Variants in SNX29 observed in about 807,000 individuals in gnomAD.
The protein encoded by SNX29 is sorting nexin 29, also known as sorting nexin-29.
SNX29 carries 78 observed loss-of-function variants against 102.1 expected under a neutral mutation model. The ratio of observed to expected loss-of-function variants is 0.76; its 90% CI spans 0.64 to 0.92. The LOEUF is 0.92. SNX29 is among the 40% of genes least tolerant of loss of function. SNX29 has a pLI of 0.00. For missense variants in SNX29, 1,280 were observed against 1,061.7 expected, an observed-to-expected ratio of 1.21 and a Z score of -2.86; for synonymous variants, 580 against 414.5, an observed-to-expected ratio of 1.40 and a Z score of -4.85.
At chr16:11,993,090 G>A (rs1185385610) in intron 1 of SNX29, among the ~76,000 whole-genome samples, 1 of 152,040 alleles carries the variant, frequency 6.6e-6, no homozygotes, top group Non-Finnish European at 1.5e-5. Flanking sequence ...GCTTGAACAT[G>A]GGAGGTGGAG....
At chr16:12,242,814 G>A (rs1237155918) in intron 14 of SNX29, among the ~76,000 whole-genome samples, 3 of 151,838 alleles carry the variant, frequency 2.0e-5, no homozygotes, top group African/African-American at 2.4e-5. Flanking sequence ...CCACCACCAC[G>A]CCTTGCTGGG....
chr16:12,113,582 G>A (rs12929519), intron 11 of SNX29, among the ~76,000 whole-genome samples: 22,031 of 152,258 alleles, frequency 0.14, 1,929 homozygotes, highest in Middle Eastern at 0.23. Context: ...ACCACAGCCT[G>A]AAGGGGAAGG....
chr16:12,197,564 G>A (rs1334140450), intron 13 of SNX29, among the ~76,000 whole-genome samples: 2 of 152,094 alleles, frequency 1.3e-5, no homozygotes, highest in African/African-American at 4.8e-5. Flanking sequence ...GAGTGAGACT[G>A]CATCTCAAAA....
At chr16:12,526,994 A>G (rs2076802024) in intron 20 of SNX29, 2 of 401,988 alleles carry the variant, frequency 5.0e-6, no homozygotes, top group Admixed American at 7.6e-5. Context: ...TGGACTTTTC[A>G]AAACGAGAAT....
intron 11 of SNX29, among the ~76,000 whole-genome samples, chr16:12,121,072 A>G (rs1188588241): frequency 6.6e-6 from 1 of 152,188 alleles, no homozygotes; most frequent in Non-Finnish European, 1.5e-5. Flanking sequence ...TTTGTTTATC[A>G]ATTCACTTAC....
intron 19 of SNX29, among the ~76,000 whole-genome samples, chr16:12,514,371 G>A (rs1045333243): frequency 1.3e-5 from 2 of 152,098 alleles, no homozygotes; most frequent in Admixed American, 6.5e-5. Flanking sequence ...CTAAGCTACT[G>A]TCTTTGGCAT....
At chr16:12,213,017 G>T (rs748493007) in intron 14 of SNX29, among the ~76,000 whole-genome samples, 2 of 152,176 alleles carry the variant, frequency 1.3e-5, no homozygotes, top group African/African-American at 4.8e-5. Context: ...GGGAGGCTGA[G>T]GCAGGAGAAT....
chr16:11,991,099 A>C (rs1248913007), intron 1 of SNX29, among the ~76,000 whole-genome samples: 1 of 152,256 alleles, frequency 6.6e-6, no homozygotes, highest in Non-Finnish European at 1.5e-5. Flanking sequence ...AGGTTCAGTG[A>C]AAATCAGAAA....
At chr16:12,409,037 C>A (rs1347808219) in intron 18 of SNX29, among the ~76,000 whole-genome samples, 2 of 152,154 alleles carry the variant, frequency 1.3e-5, no homozygotes, top group Admixed American at 1.3e-4. Context: ...GTGTGTTATG[C>A]CACTGAAAAT....
intron 18 of SNX29, among the ~76,000 whole-genome samples, chr16:12,424,795 G>A (rs896302097): frequency 1.3e-5 from 2 of 152,150 alleles, no homozygotes; most frequent in African/African-American, 4.8e-5. Context: ...CAGTTATTAT[G>A]GATCAGACAC....
intron 14 of SNX29, among the ~76,000 whole-genome samples, chr16:12,224,889 T>C (rs1427313347): frequency 6.6e-6 from 1 of 152,118 alleles, no homozygotes; most frequent in Non-Finnish European, 1.5e-5. Context: ...TTCAGATCTG[T>C]GGCTGTACAT....
At chr16:12,178,783 C>T (rs1223158687) in intron 13 of SNX29, among the ~76,000 whole-genome samples, 1 of 152,140 alleles carries the variant, frequency 6.6e-6, no homozygotes, top group East Asian at 1.9e-4. Context: ...TTTCTTTGTA[C>T]AGTTGTGCAT....
chr16:11,997,333 G>A (rs2056114404), intron 1 of SNX29, among the ~76,000 whole-genome samples: 1 of 152,150 alleles, frequency 6.6e-6, no homozygotes, highest in Admixed American at 6.6e-5. Flanking sequence ...AGAGGGCTCA[G>A]CTCAAATGTC....
At chr16:12,549,030 G>A (rs1445908021) in intron 20 of SNX29, among the ~76,000 whole-genome samples, 1 of 152,224 alleles carries the variant, frequency 6.6e-6, no homozygotes, top group Non-Finnish European at 1.5e-5. Flanking sequence ...AGCTTGTGGA[G>A]TATCTTAGGT....
intron 15 of SNX29, among the ~76,000 whole-genome samples, chr16:12,313,007 A>G (rs555425640): frequency 4.8e-4 from 67 of 139,518 alleles, no homozygotes; most frequent in Admixed American, 2.6e-3. Context: ...CCCTGGGGAG[A>G]CTTTTTGTTT....
intron 3 of SNX29, among the ~76,000 whole-genome samples, chr16:12,004,796 A>C (rs1482200938): frequency 2.0e-5 from 3 of 152,166 alleles, no homozygotes; most frequent in Non-Finnish European, 2.9e-5. Context: ...AAAATGATGC[A>C]CCCTATTATC....
chr16:12,294,795 TAAC>T (rs1260688656), intron 15 of SNX29, among the ~76,000 whole-genome samples: 1 of 152,136 alleles, frequency 6.6e-6, no homozygotes, highest in African/African-American at 2.4e-5. Context: ...TGTTCAGGCC[TAAC>T]ACAGCTGGAG....
intron 20 of SNX29, among the ~76,000 whole-genome samples, chr16:12,559,284 G>A (rs1448115761): frequency 6.6e-6 from 1 of 151,998 alleles, no homozygotes; most frequent in Non-Finnish European, 1.5e-5. Flanking sequence ...CAGCAGCACT[G>A]CATTCTGAAA....
At chr16:12,170,062 T>G (rs2076109655) in intron 13 of SNX29, among the ~76,000 whole-genome samples, 1 of 152,150 alleles carries the variant, frequency 6.6e-6, no homozygotes, top group Non-Finnish European at 1.5e-5. Context: ...TCCTTTGTAG[T>G]GGGGGCTGTC....
Sources: gnomAD v4.1 joint callset for allele counts (sites outside exome capture counted in the v4.1 genomes callset) on GRCh38, gnomAD v4.1.1 for gene constraint, MANE v1.5 for transcripts, NCBI Gene and HGNC (gene_info 2026-07-23, HGNC 2026-07-21) for gene names.